MCM2: variants seen among roughly 807,000 people sequenced by gnomAD.
MCM2 encodes minichromosome maintenance complex component 2, also known as DNA replication licensing factor MCM2.
Under a neutral mutation model 86.4 loss-of-function variants are expected in MCM2, and 49 were observed. The ratio of observed to expected loss-of-function variants is 0.57; its 90% CI spans 0.45 to 0.72. MCM2 has a LOEUF of 0.72. Among genes scored for constraint, MCM2 ranks in the 30% least tolerant of loss-of-function variants. The pLI is 0.00. For synonymous variants in MCM2, 475 were observed against 484.6 expected (o/e 0.98, Z 0.26); for missense variants, 1,038 against 1,259.9 (o/e 0.82, Z 2.67).
At chr3:127,619,387 A>G in intron 13 of MCM2, 109 bp downstream of exon 13, 1 of 1,393,958 alleles carries the variant, frequency 7.2e-7, no homozygotes, top group South Asian at 1.4e-5. Flanking sequence ...AAGGTGCCAG[A>G]GCAGGGAGGC....
intron 8 of MCM2, among the ~76,000 whole-genome samples, chr3:127,612,425 G>C (rs1461731042): frequency 1.3e-5 from 2 of 152,232 alleles, no homozygotes; most frequent in Non-Finnish European, 1.5e-5. Context: ...GAGGATGAGA[G>C]TAAACACTCA....
intron 6 of MCM2, among the ~76,000 whole-genome samples, chr3:127,607,284 C>G (rs1234466668): frequency 6.6e-6 from 1 of 152,252 alleles, no homozygotes; most frequent in Non-Finnish European, 1.5e-5. Context: ...TCAGGAGACG[C>G]TGCCAAAGCC....
chr3:127,611,737 C>G (rs1213686650), intron 8 of MCM2, among the ~76,000 whole-genome samples: 2 of 128,002 alleles, frequency 1.6e-5, no homozygotes, highest in Non-Finnish European at 1.6e-5. Flanking sequence ...CTCGCTCTGT[C>G]GCCCAGGCTG....
At chr3:127,604,391 T>C in intron 2 of MCM2, 1 of 512,850 alleles carries the variant, frequency 1.9e-6, no homozygotes, top group Non-Finnish European at 3.5e-6. Context: ...AATTTCCTTC[T>C]ATTTTAAGGC....
chr3:127,606,482 T>C lies in MCM2; in HGVS notation c.894-128T>C. The C allele has an allele frequency of 8.5e-7, 1 of 1,171,002 alleles. No homozygotes were observed. The highest frequency in any genetic ancestry group is 1.4e-5 in the South Asian group (1 of 72,246). 72.5% of individuals were successfully genotyped at this position (1,171,002 alleles called of 1,614,324 possible). On this transcript the variant is annotated intron_variant, in intron 5 of 15. Transcript: ENST00000265056. This position sits in a 1 kb window ranked among gnomAD's most constrained non-coding sequence, Gnocchi z 4.2. Reference sequence around the variant, plus strand: ...CAGGTGAGTTGTGGTTGCACAGGAGTGTGATGGGAGGGATCTTCCCGGGCT... The same window carrying C: ...CAGGTGAGTTGTGGTTGCACAGGAGCGTGATGGGAGGGATCTTCCCGGGCT...
At chr3:127,598,515 G>C (rs1210526176) in intron 1 of MCM2, 43 bp downstream of exon 1, 4 of 1,606,636 alleles carry the variant, frequency 2.5e-6, no homozygotes, top group Non-Finnish European at 3.4e-6. Flanking sequence ...GGGGACATGG[G>C]TGCGGAGGCT....
intron 8 of MCM2, among the ~76,000 whole-genome samples, chr3:127,613,136 G>A (rs2074411324): frequency 6.6e-6 from 1 of 152,186 alleles, no homozygotes; most frequent in Non-Finnish European, 1.5e-5. Flanking sequence ...GGATGCAGTG[G>A]TTGCTTTACA....
intron 8 of MCM2, among the ~76,000 whole-genome samples, chr3:127,613,491 G>C (rs2074413681): frequency 6.6e-6 from 1 of 152,192 alleles, no homozygotes; most frequent in Non-Finnish European, 1.5e-5. Flanking sequence ...CTGTTTTACT[G>C]ATGAATAAAC....
intron 6 of MCM2, 102 bp from the exon 7 acceptor site, chr3:127,608,280 A>G (rs1336344598): frequency 6.8e-7 from 1 of 1,463,378 alleles, no homozygotes; most frequent in African/African-American, 1.4e-5. Flanking sequence ...TCCATTTGCC[A>G]CTCAGGAGTC....
Position 127,606,657 on chromosome 3 carries a change from G to A in MCM2, c.941G>A (p.Ser314Asn), listed in dbSNP as rs1481867506. 1.2e-6 allele frequency: 2 copies of A among 1,614,200 alleles called. No individual in the cohort carries two copies. The highest frequency in any genetic ancestry group is 1.3e-5 in the African/African-American group (1 of 75,064). ...QLIRTSGVVT[S>N]CTGVLPQLSM... ...ATCCGCACCAGTGGGGTGGTGACCAGCTGCACTGGCGTCCTGCCCCAGCTC... is the reference window on the plus strand; with the variant it reads ...ATCCGCACCAGTGGGGTGGTGACCAACTGCACTGGCGTCCTGCCCCAGCTC... The change falls in exon 6 of 16, where the codon AGC becomes AAC. Residue 314 changes from serine (S) to asparagine (N), a missense_variant. Ser to Asn is a conservative substitution (Grantham distance 46). Transcript: ENST00000265056. The surrounding 1 kb of genome is among the most constrained non-coding windows in gnomAD (Gnocchi z 4.2).
In MCM2 at chr3:127,622,054, G is replaced by C; in HGVS notation, c.*281G>C. 9.0e-6 allele frequency: 3 copies of C among 333,776 alleles called. No individual in the cohort carries two copies. The highest frequency in any genetic ancestry group is 1.1e-5 in the Non-Finnish European group (2 of 180,662). The allele number at this position is 333,776 out of a possible 1,614,324, so 20.7% of individuals were successfully genotyped here. On this transcript the variant is annotated 3_prime_UTR_variant, in exon 16 of 16. Coordinates refer to ENST00000265056, the MANE Select transcript of MCM2 (RefSeq NM_004526.4). The stretch of plus-strand genomic sequence containing the variant: ...TGTCTCCACTCAGTACCTTGGATCA[G>C]AGCTGCTGAGTTCAGGATGCCTGCG...
intron 6 of MCM2, 36 bp from the exon 7 acceptor site, chr3:127,608,346 G>A (rs754654169): frequency 6.2e-7 from 1 of 1,609,408 alleles, no homozygotes; most frequent in East Asian, 2.2e-5. Flanking sequence ...GACATAGTAA[G>A]TCAGTGATTT....
At chr3:127,615,579 G>C (rs1057481709) in intron 8 of MCM2, among the ~76,000 whole-genome samples, 4 of 152,154 alleles carry the variant, frequency 2.6e-5, no homozygotes, top group African/African-American at 9.7e-5. Context: ...TTCTGCTCTT[G>C]GTCTGTGATC....
At position 127,617,433 on chromosome 3, in the gene MCM2, C is replaced by A; in HGVS notation, c.1900+28C>A. On this transcript the variant is annotated intron_variant, in intron 11 of 15. Coordinates refer to ENST00000265056, the MANE Select transcript of MCM2 (RefSeq NM_004526.4). This position sits in a 1 kb window ranked among gnomAD's most constrained non-coding sequence, Gnocchi z 4.1. ...GCAGCAGGCACCCTGACTGCTGGGG[C>A]TGGGGTGGGACACAGGGAGGTCCCG... 6.2e-7 allele frequency: 1 copy of A among 1,606,406 alleles called. No individual in the cohort carries two copies. The highest frequency in any genetic ancestry group is 8.5e-7 in the Non-Finnish European group (1 of 1,176,832).
intron 4 of MCM2, 33 bp downstream of exon 4, chr3:127,605,189 T>G: frequency 6.2e-7 from 1 of 1,600,902 alleles, no homozygotes; most frequent in East Asian, 2.2e-5. Context: ...CCTCAGCCCC[T>G]GTAGCGCCTC....
At chr3:127,612,953 C>T (rs558639953) in intron 8 of MCM2, among the ~76,000 whole-genome samples, 1 of 152,284 alleles carries the variant, frequency 6.6e-6, no homozygotes, top group East Asian at 1.9e-4. Context: ...TCATGGAAAG[C>T]GCTGTTATTC....
chr3:127,620,671 A>C (rs747125394), intron 13 of MCM2, 27 bp from the exon 14 acceptor site: 3 of 1,547,766 alleles, frequency 1.9e-6, no homozygotes, highest in African/African-American at 2.7e-5. Context: ...CTGCCCGTGA[A>C]AGACCTGACA....
chr3:127,616,032 T>C (rs1310359228), intron 9 of MCM2, 77 bp downstream of exon 9: 1 of 1,192,548 alleles, frequency 8.4e-7, no homozygotes, highest in Non-Finnish European at 1.2e-6. Context: ...AAGGACACAG[T>C]GTTTTTAAAG....
At chr3:127,610,083 A>T (rs2074383244) in intron 8 of MCM2, among the ~76,000 whole-genome samples, 1 of 151,932 alleles carries the variant, frequency 6.6e-6, no homozygotes, top group Non-Finnish European at 1.5e-5. Flanking sequence ...ACCTCAGGTG[A>T]TCCGCTTGCC....
Sources: allele counts gnomAD v4.1 joint callset (sites outside exome capture counted in the v4.1 genomes callset), GRCh38; gene constraint gnomAD v4.1.1; non-coding constraint Gnocchi (gnomAD v3.1); transcripts MANE v1.5; gene names NCBI Gene and HGNC (gene_info 2026-07-23, HGNC 2026-07-21).